Variants in FHAD1 observed in about 807,000 individuals in gnomAD.
FHAD1 encodes forkhead associated phosphopeptide binding domain 1.
In FHAD1, 146 loss-of-function variants were observed where a neutral mutation model predicts 191.3. That is an observed-to-expected ratio of 0.76 (90% CI 0.67 to 0.88). The LOEUF (loss-of-function observed/expected upper bound fraction) is 0.88. Among genes scored for constraint, FHAD1 ranks in the 40% least tolerant of loss-of-function variants. The pLI, the probability that FHAD1 is intolerant of heterozygous loss-of-function variation, is 0.00. For synonymous variants in FHAD1, 616 were observed against 672.3 expected (o/e 0.92, Z 1.29); for missense variants, 1,635 against 1,785.8 (o/e 0.92, Z 1.52).
chr1:15,255,447 C>CT (rs1320846834), intron 2 of FHAD1, among the ~76,000 whole-genome samples: 6 of 151,650 alleles, frequency 4.0e-5, no homozygotes, highest in Non-Finnish European at 5.9e-5. Flanking sequence ...GCCCTCCAGA[C>CT]TTTTTTTTTC....
At chr1:15,393,521 A>G (rs905596109) in intron 33 of FHAD1, among the ~76,000 whole-genome samples, 4 of 152,038 alleles carry the variant, frequency 2.6e-5, no homozygotes, top group Non-Finnish European at 2.9e-5. Context: ...GGCGAGGTTG[A>G]TAGTGAAAGA....
chr1:15,390,600 C>T (rs1033352483), intron 32 of FHAD1, among the ~76,000 whole-genome samples: 5 of 152,136 alleles, frequency 3.3e-5, no homozygotes, highest in African/African-American at 1.2e-4. Flanking sequence ...GGGGGCCCAG[C>T]TCCCTCCCTC....
intron 26 of FHAD1, among the ~76,000 whole-genome samples, chr1:15,373,231 C>T (rs1698619803): frequency 6.6e-6 from 1 of 151,896 alleles, no homozygotes; most frequent in African/African-American, 2.4e-5. Flanking sequence ...AAAAAGACGG[C>T]TGGGCACAGT....
chr1:15,260,983 T>C (rs1650751247), intron 2 of FHAD1, among the ~76,000 whole-genome samples: 1 of 152,212 alleles, frequency 6.6e-6, no homozygotes, highest in Non-Finnish European at 1.5e-5. Flanking sequence ...CATCTCTTGC[T>C]TGGACTCTGG....
At chr1:15,376,504 G>A (rs1209953409) in intron 28 of FHAD1, among the ~76,000 whole-genome samples, 1 of 152,178 alleles carries the variant, frequency 6.6e-6, no homozygotes, top group African/African-American at 2.4e-5. Context: ...CCACATAAAA[G>A]GCAGGAGAAG....
chr1:15,327,433 G>A lies in FHAD1; in HGVS notation c.1557+291G>A, dbSNP rs1255778783. ...TCGCCTCCATTAGCACTGGGAGAAA[G>A]GGAGCCGCCTCCCCACAGCCAGTGC... On this transcript the variant is annotated intron_variant, in intron 12 of 33. Transcript: ENST00000688493. This position sits in a 1 kb window ranked among gnomAD's most constrained non-coding sequence, Gnocchi z 5.1. The A allele has an allele frequency of 3.3e-6, 1 of 305,654 alleles. No homozygotes were observed. The highest frequency in any genetic ancestry group is 6.0e-6 in the Non-Finnish European group (1 of 165,598). The allele number at this position is 305,654 out of a possible 1,614,324, so 18.9% of individuals were successfully genotyped here. A position where few individuals can be genotyped will look rare whatever the true frequency, so the allele number is the denominator to read the frequency against.
rs1440562316 is a variant in FHAD1, at chr1:15,360,467, C to G, written c.2737-11C>G. The G allele has an allele frequency of 7.1e-6, 11 of 1,549,960 alleles. No homozygotes were observed. The highest frequency in any genetic ancestry group is 9.6e-6 in the Non-Finnish European group (11 of 1,146,200). On this transcript the variant is annotated splice_polypyrimidine_tract_variant and intron_variant, in intron 21 of 33. Transcript: ENST00000688493. Reference sequence around the variant, plus strand: ...TCCCAAGACCTCACTGAGTGACTCTCTGTTTCCCAGATCATGGTGGAAGAG... The same window carrying G: ...TCCCAAGACCTCACTGAGTGACTCTGTGTTTCCCAGATCATGGTGGAAGAG...
intron 33 of FHAD1, among the ~76,000 whole-genome samples, chr1:15,395,692 T>C (rs956387773): frequency 6.6e-6 from 1 of 152,180 alleles, no homozygotes; most frequent in African/African-American, 2.4e-5. Context: ...TTAAATATAC[T>C]TCACTTTCTC....
intron 2 of FHAD1, among the ~76,000 whole-genome samples, chr1:15,270,838 G>GA (rs33970705): frequency 0.33 from 50,517 of 151,726 alleles, 9,058 homozygotes; most frequent in East Asian, 0.55. Flanking sequence ...TCAGGAGTTT[G>GA]AGACCAGCCT....
chr1:15,390,344 C>CAAAAAAA (rs59353142), intron 32 of FHAD1, among the ~76,000 whole-genome samples: 1 of 69,224 alleles, frequency 1.4e-5, no homozygotes, highest in Non-Finnish European at 2.8e-5. Flanking sequence ...GACTCTGTCT[C>CAAAAAAA]AAAAAAAAAA....
chr1:15,331,088 AG>A lies in FHAD1; in HGVS notation c.1906+1549del, dbSNP rs1404610832. Among the ~76,000 whole-genome samples, 3 of 152,238 alleles carry A rather than the reference AG, an allele frequency of 2.0e-5. 1 individual carries two copies. In the East Asian group the frequency reaches 5.8e-4, roughly 30 times the overall value. On this transcript the variant is annotated intron_variant, in intron 14 of 33. Coordinates refer to ENST00000688493, the MANE Select transcript of FHAD1 (RefSeq NM_001391957.1). ...GTGACAGAGAGTCAACAAGACCTCTAGGTTTCTGGTGTGTGTAAAAGACGGA... is the reference window on the plus strand; with the variant it reads ...GTGACAGAGAGTCAACAAGACCTCTAGTTTCTGGTGTGTGTAAAAGACGGA...
intron 23 of FHAD1, among the ~76,000 whole-genome samples, chr1:15,364,865 G>A (rs902962143): frequency 6.6e-6 from 1 of 152,098 alleles, no homozygotes; most frequent in African/African-American, 2.4e-5. Context: ...TGCCATTCCT[G>A]CTGGGCGCCC....
At position 15,381,173 on chromosome 1, in the gene FHAD1, A is replaced by T; in HGVS notation, c.3802-58A>T. On this transcript the variant is annotated intron_variant, in intron 29 of 33. Transcript: ENST00000688493. The surrounding 1 kb of genome is among the most constrained non-coding windows in gnomAD (Gnocchi z 4.6). The stretch of plus-strand genomic sequence containing the variant: ...AACAGAATTAGACATTGGCCTCCTT[A>T]AAGCGGCCACCAGCGGCCGCGGGTA... The T allele has an allele frequency of 8.4e-7, 1 of 1,197,542 alleles. No homozygotes were observed. Among genetic ancestry groups the T allele is most frequent in the Non-Finnish European group, 1.2e-6 (1 of 832,652 alleles). The allele number at this position is 1,197,542 out of a possible 1,614,324, so 74.2% of individuals were successfully genotyped here. A position where few individuals can be genotyped will look rare whatever the true frequency, so the allele number is the denominator to read the frequency against.
chr1:15,362,779 G>A (rs1302511140), intron 23 of FHAD1, 53 bp downstream of exon 23: 2 of 1,446,536 alleles, frequency 1.4e-6, no homozygotes, highest in Non-Finnish European at 1.9e-6. Flanking sequence ...CACCACCTGG[G>A]TGGGGGCAAA....
In FHAD1 at chr1:15,355,794, C is replaced by T. The variant is rs183146853; in HGVS notation, c.2563-2316C>T. On this transcript the variant is annotated intron_variant, in intron 20 of 33. Coordinates refer to ENST00000688493, the MANE Select transcript of FHAD1 (RefSeq NM_001391957.1). ...TGAAAAAGGATCAGACGGAGTTAAG[C>T]GGAGGTACACAGAGGATGCAGCAAC... Among the ~76,000 whole-genome samples the T allele has an allele frequency of 1.3e-4, 20 of 152,124 alleles. No homozygotes were observed. The East Asian group carries it at 3.3e-3, about 25-fold the overall frequency.
intron 4 of FHAD1, among the ~76,000 whole-genome samples, chr1:15,290,966 G>A (rs1354421245): frequency 2.6e-5 from 4 of 151,854 alleles, no homozygotes; most frequent in Non-Finnish European, 4.4e-5. Context: ...CGCCCACCTC[G>A]GCCTCCCAAA....
At position 15,381,493 on chromosome 1, in the gene FHAD1, T is replaced by G; in HGVS notation, c.4022+42T>G. ...ATGTCCCCACAGAAAGGCCCGGGCC[T>G]CCCTTCTCCTGGCTAAACTCAGGCT... On this transcript the variant is annotated intron_variant, in intron 30 of 33. Transcript: ENST00000688493. This position sits in a 1 kb window ranked among gnomAD's most constrained non-coding sequence, Gnocchi z 4.6. 6.9e-7 allele frequency: 1 copy of G among 1,449,588 alleles called. No individual in the cohort carries two copies. The highest frequency in any genetic ancestry group is 9.5e-7 in the Non-Finnish European group (1 of 1,056,998). 89.8% of individuals were successfully genotyped at this position (1,449,588 alleles called of 1,614,324 possible). A position where few individuals can be genotyped will look rare whatever the true frequency, so the allele number is the denominator to read the frequency against.
chr1:15,313,238 A>G (rs1672842062), intron 8 of FHAD1, 51 bp downstream of exon 8: 1 of 1,539,120 alleles, frequency 6.5e-7, no homozygotes, highest in South Asian at 1.2e-5. Context: ...AAAAGCAGCT[A>G]AAGTGAAGTC....
chr1:15,353,632 G>A (rs1259949270), intron 20 of FHAD1, among the ~76,000 whole-genome samples: 2 of 150,138 alleles, frequency 1.3e-5, no homozygotes, highest in East Asian at 3.9e-4. Context: ...TTGAACCTGG[G>A]AGGCGGAGGT....
Sources: allele counts gnomAD v4.1 joint callset (sites outside exome capture counted in the v4.1 genomes callset), GRCh38; gene constraint gnomAD v4.1.1; non-coding constraint Gnocchi (gnomAD v3.1); transcripts MANE v1.5; gene names NCBI Gene and HGNC (gene_info 2026-07-23, HGNC 2026-07-21).